Variants in RFX8 observed in about 807,000 individuals in gnomAD.
RFX8 encodes the protein DNA-binding protein RFX8.
A neutral mutation model predicts 54.6 loss-of-function variants in RFX8; 46 were observed. The ratio of observed to expected loss-of-function variants is 0.84; its 90% CI spans 0.67 to 1.08. The LOEUF is 1.08. Ranked by LOEUF, RFX8 falls within the 50% of genes least tolerant of loss-of-function variation. The probability of loss-of-function intolerance (pLI) is 0.00; values close to 1 mark genes in which losing one functional copy is unlikely to be tolerated. For synonymous variants in RFX8, 192 were observed against 209.5 expected, an observed-to-expected ratio of 0.92 and a Z score of 0.72; for missense variants, 536 against 562.3, an observed-to-expected ratio of 0.95 and a Z score of 0.47.
chr2:101,422,797 T>C lies in RFX8; in HGVS notation c.73-325A>G, dbSNP rs542316832. Among the ~76,000 whole-genome samples the C allele has an allele frequency of 7.2e-5, 11 of 152,356 alleles. No individual in the cohort carries two copies. In the East Asian group the frequency reaches 2.1e-3, roughly 29 times the overall value. ...ACTATTATCTATGAATTATTTAATA[T>C]CACAAATACACTTCTACAACCCTTG... On this transcript the variant is annotated intron_variant, in intron 2 of 11. Coordinates refer to ENST00000428343, the MANE Select transcript of RFX8 (RefSeq NM_001145664.2).
At chr2:101,429,337 T>C (rs1014595171) in intron 2 of RFX8, among the ~76,000 whole-genome samples, 2 of 152,190 alleles carry the variant, frequency 1.3e-5, no homozygotes, top group Non-Finnish European at 2.9e-5. Context: ...TTATTACTTT[T>C]TTATTTTGGT....
intron 1 of RFX8, among the ~76,000 whole-genome samples, chr2:101,467,534 C>A (rs1167993076): frequency 6.6e-6 from 1 of 152,210 alleles, no homozygotes; most frequent in Non-Finnish European, 1.5e-5. Context: ...AGTGCTTTTG[C>A]TCTGCTTTCT....
At chr2:101,419,124 T>G (rs1686708192) in intron 4 of RFX8, among the ~76,000 whole-genome samples, 160 bp from the exon 5 acceptor site, 1 of 152,190 alleles carries the variant, frequency 6.6e-6, no homozygotes, top group Non-Finnish European at 1.5e-5. Context: ...TGTATTTTGA[T>G]AGAATTCTTT....
intron 11 of RFX8, among the ~76,000 whole-genome samples, chr2:101,398,942 T>C (rs971405878): frequency 6.6e-6 from 1 of 152,220 alleles, no homozygotes; most frequent in Non-Finnish European, 1.5e-5. Context: ...TTCAAAAAAT[T>C]GTTTTCACCT....
chr2:101,428,491 T>C (rs987555405), intron 2 of RFX8, among the ~76,000 whole-genome samples: 1 of 152,186 alleles, frequency 6.6e-6, no homozygotes, highest in Non-Finnish European at 1.5e-5. Flanking sequence ...ATGTTTGTTG[T>C]TGAAGCCATC....
intron 6 of RFX8, among the ~76,000 whole-genome samples, chr2:101,417,304 A>T (rs1173691848): frequency 1.3e-5 from 2 of 152,206 alleles, no homozygotes; most frequent in Non-Finnish European, 2.9e-5. Flanking sequence ...TCCTGGGCTC[A>T]AGTGATCTTC....
At chr2:101,453,286 T>A (rs6744377) in intron 2 of RFX8, among the ~76,000 whole-genome samples, 61,686 of 103,586 alleles carry the variant, frequency 0.6, 15,136 homozygotes, top group Middle Eastern at 0.7. Context: ...CAAAAAAAAA[T>A]AAATAAATAA....
At chr2:101,447,973 G>A (rs931815121) in intron 2 of RFX8, among the ~76,000 whole-genome samples, 4 of 152,200 alleles carry the variant, frequency 2.6e-5, no homozygotes, top group Non-Finnish European at 5.9e-5. Context: ...GAAGGCAGAA[G>A]GATGACAGAG....
At position 101,466,802 on chromosome 2, in the gene RFX8, T is replaced by G. The variant is rs1344053883; in HGVS notation, c.47A>C (p.Gln16Pro). Residue 16 changes from glutamine to proline, a missense_variant, in exon 2 of 12, where the codon CAA becomes CCA. Transcript: ENST00000428343. ...CTTCCCAAAGGTGGCCGGGTTGACT[T>G]GGTTCTCAGTGTTTTGCCCACAGGT... ...VETCGQNTEN[Q>P]VNPATFGKCE... 2.4e-5 allele frequency: 37 copies of G among 1,551,610 alleles called. No homozygotes were observed. Among genetic ancestry groups the G allele is most frequent in the Non-Finnish European group, 3.0e-5 (34 of 1,146,894 alleles).
At chr2:101,438,027 T>C (rs757503906) in intron 2 of RFX8, among the ~76,000 whole-genome samples, 1 of 74,574 alleles carries the variant, frequency 1.3e-5, no homozygotes, top group Admixed American at 1.1e-4. Context: ...TGTGTGTCAA[T>C]AGTTTGTTCC....
intron 11 of RFX8, among the ~76,000 whole-genome samples, chr2:101,399,445 T>C (rs1238449991): frequency 6.6e-6 from 1 of 152,236 alleles, no homozygotes; most frequent in Non-Finnish European, 1.5e-5. Flanking sequence ...ACCTGACATT[T>C]GTCTGCTTGT....
At chr2:101,414,289 A>G (rs532500171) in intron 7 of RFX8, among the ~76,000 whole-genome samples, 1 of 151,854 alleles carries the variant, frequency 6.6e-6, no homozygotes, top group South Asian at 2.1e-4. Flanking sequence ...TTTTTTTGAG[A>G]TGGAGTCTCG....
intron 2 of RFX8, among the ~76,000 whole-genome samples, chr2:101,429,949 G>A (rs1025980882): frequency 6.6e-6 from 1 of 152,110 alleles, no homozygotes; most frequent in Non-Finnish European, 1.5e-5. Context: ...AAAGCCCCAG[G>A]GGCTCTCTTC....
At chr2:101,403,339 T>A (rs10865041) in intron 10 of RFX8, among the ~76,000 whole-genome samples, 1 of 152,062 alleles carries the variant, frequency 6.6e-6, no homozygotes, top group South Asian at 2.1e-4. Flanking sequence ...GTGACTTAGC[T>A]GAATGCTCCA....
chr2:101,431,195 G>A (rs144426624), intron 2 of RFX8, among the ~76,000 whole-genome samples: 2 of 152,298 alleles, frequency 1.3e-5, no homozygotes, highest in African/African-American at 4.8e-5. Flanking sequence ...CCTACTGAAT[G>A]TCAGGCATTG....
chr2:101,465,038 A>C (rs556306461), intron 2 of RFX8, among the ~76,000 whole-genome samples: 12 of 152,318 alleles, frequency 7.9e-5, no homozygotes, highest in African/African-American at 2.9e-4. Flanking sequence ...GAAATGGCAA[A>C]ATATGACCTG....
intron 2 of RFX8, among the ~76,000 whole-genome samples, chr2:101,453,799 T>C (rs973732137): frequency 1.3e-5 from 2 of 152,128 alleles, no homozygotes; most frequent in South Asian, 2.1e-4. Context: ...TTATGAAACA[T>C]AGTTATAATT....
intron 2 of RFX8, among the ~76,000 whole-genome samples, chr2:101,424,224 T>C (rs1687039314): frequency 6.6e-6 from 1 of 152,194 alleles, no homozygotes; most frequent in African/African-American, 2.4e-5. Context: ...CATCAGAAGA[T>C]GGGTCTTCTT....
chr2:101,417,611 A>C lies in RFX8; in HGVS notation c.425T>G (p.Phe142Cys), dbSNP rs1018067819. 68 of 1,551,484 alleles carry C rather than the reference A, an allele frequency of 4.4e-5. No individual in the cohort carries two copies. Among genetic ancestry groups the C allele is most frequent in the Non-Finnish European group, 5.8e-5 (67 of 1,146,840 alleles). Residue 142 changes from phenylalanine to cysteine, a missense_variant, in exon 6 of 12, where the codon TTT (phenylalanine) becomes TGT (cysteine). Phe to Cys is a radical substitution (Grantham distance 205). Coordinates refer to ENST00000428343, the MANE Select transcript of RFX8 (RefSeq NM_001145664.2). ...GAGCCACAGCTTAAATTTCTTACTAAATAACTGCACAGATTTCAGGTACTG... is the reference window on the plus strand; with the variant it reads ...GAGCCACAGCTTAAATTTCTTACTACATAACTGCACAGATTTCAGGTACTG... ...SIQYLKSVQL[F>C]SKKFKLWLLN...
Sources: gnomAD v4.1 joint callset for allele counts (sites outside exome capture counted in the v4.1 genomes callset) on GRCh38, gnomAD v4.1.1 for gene constraint, MANE v1.5 for transcripts, NCBI Gene and HGNC (gene_info 2026-07-23, HGNC 2026-07-21) for gene names.